Variants in TTC17 observed in about 807,000 individuals in gnomAD.
TTC17 encodes tetratricopeptide repeat domain 17.
A neutral mutation model predicts 143.8 loss-of-function variants in TTC17; 58 were observed. The ratio of observed to expected loss-of-function variants is 0.40; its 90% CI spans 0.33 to 0.50. The LOEUF is 0.50. TTC17 is among the 20% of genes least tolerant of loss of function. TTC17 has a pLI of 0.49. For synonymous variants in TTC17, 501 were observed against 497.8 expected (o/e 1.01, Z -0.09); for missense variants, 1,273 against 1,392.5 (o/e 0.91, Z 1.37).
intron 21 of TTC17, among the ~76,000 whole-genome samples, chr11:43,462,918 A>ATTATTTTTTTT (rs1369564202): frequency 1.0e-5 from 1 of 95,320 alleles, no homozygotes; most frequent in Non-Finnish European, 2.1e-5. Context: ...CAGTGACAAA[A>ATTATTTTTTTT]TTCTTTTTTT....
rs556208649 is a variant in TTC17, at chr11:43,384,387, G to C, written c.249+5065G>C. On this transcript the variant is annotated intron_variant, in intron 2 of 23. Transcript: ENST00000039989. The stretch of plus-strand genomic sequence containing the variant: ...TTAGAAATGTTAGGCCAGGCACAGT[G>C]GCTCACGCCTGTAATCCCAGCACTC... Among the ~76,000 whole-genome samples the C allele has an allele frequency of 4.6e-3, 702 of 152,314 alleles. 1 individual carries two copies. Among genetic ancestry groups the C allele is most frequent in the African/African-American group, 0.016 (677 of 41,574 alleles).
intron 5 of TTC17, among the ~76,000 whole-genome samples, chr11:43,395,811 C>T (rs1178636323): frequency 7.9e-5 from 12 of 152,206 alleles, no homozygotes; most frequent in African/African-American, 2.9e-4. Context: ...CACTGAAAAT[C>T]TATAAAAGAA....
Position 43,438,250 on chromosome 11 carries a change from C to T in TTC17, c.2252-5075C>T, listed in dbSNP as rs559550004. On this transcript the variant is annotated intron_variant, in intron 16 of 23. Coordinates refer to ENST00000039989, the MANE Select transcript of TTC17 (RefSeq NM_018259.6). ...TCGGCTCACTGCAACCTCCACTTCC[C>T]GTGTTCAAGCAATTCTCCTGCCTCA... Among the ~76,000 whole-genome samples the T allele has an allele frequency of 1.6e-3, 248 of 152,280 alleles. 2 individuals are homozygous for T. Among genetic ancestry groups the T allele is most frequent in the African/African-American group, 5.5e-3 (228 of 41,562 alleles).
At chr11:43,481,122 G>A (rs371665215) in intron 21 of TTC17, among the ~76,000 whole-genome samples, 11 of 152,268 alleles carry the variant, frequency 7.2e-5, no homozygotes, top group African/African-American at 2.6e-4. Context: ...ATTATTAGGA[G>A]TAGAGAGAAT....
chr11:43,468,626 G>T (rs562339821), intron 21 of TTC17, among the ~76,000 whole-genome samples: 8 of 152,208 alleles, frequency 5.3e-5, no homozygotes, highest in African/African-American at 1.9e-4. Flanking sequence ...AAAAAAATTG[G>T]TAAGTTGGAC....
intron 21 of TTC17, among the ~76,000 whole-genome samples, chr11:43,480,397 A>T (rs1474318668): frequency 1.3e-5 from 2 of 152,224 alleles, no homozygotes; most frequent in Non-Finnish European, 2.9e-5. Context: ...TTGTGAAAGG[A>T]TACCAGACCC....
intron 21 of TTC17, among the ~76,000 whole-genome samples, chr11:43,459,480 C>T (rs981242307): frequency 1.3e-5 from 2 of 152,216 alleles, no homozygotes; most frequent in African/African-American, 4.8e-5. Context: ...GGCACAACTT[C>T]TTTAAAAAGC....
rs1430292999 is a variant in TTC17, at chr11:43,399,974, A to G, written c.1145A>G (p.His382Arg). 4 of 1,614,102 alleles carry G rather than the reference A, an allele frequency of 2.5e-6. No individual in the cohort carries two copies. Among genetic ancestry groups the G allele is most frequent in the East Asian group, 2.2e-5 (1 of 44,860 alleles). ...AGACAGCAGGAAATCCTAGAAAAAC[A>G]TAAACTGATTCAGGAGGAGCAAATC... The part of the protein sequence containing the change: ...YLRQQEILEK[H>R]KLIQEEQILR... The change falls in exon 9 of 24, where the codon CAT becomes CGT. Residue 382 changes from histidine to arginine, a missense_variant. This residue lies in a region of TTC17 where 325 missense variants were observed against 444.2 expected (regional missense o/e 0.73). Transcript: ENST00000039989.
intron 1 of TTC17, among the ~76,000 whole-genome samples, chr11:43,362,636 G>T (rs557880810): frequency 3.6e-4 from 55 of 152,168 alleles, no homozygotes; most frequent in African/African-American, 1.3e-3. Context: ...TAGAGATGGG[G>T]GTCTTTCTTT....
chr11:43,459,436 A>G (rs915613283), intron 21 of TTC17, among the ~76,000 whole-genome samples: 1 of 152,148 alleles, frequency 6.6e-6, no homozygotes, highest in Admixed American at 6.5e-5. Flanking sequence ...GCCTGCTTCT[A>G]GGCTCTGTCC....
chr11:43,384,020 C>G (rs1857075406), intron 2 of TTC17, among the ~76,000 whole-genome samples: 1 of 151,954 alleles, frequency 6.6e-6, no homozygotes, highest in African/African-American at 2.4e-5. Context: ...TGGCAGGCAC[C>G]TGTAGTTCTA....
chr11:43,362,682 A>G (rs1856166478), intron 1 of TTC17, among the ~76,000 whole-genome samples: 1 of 152,140 alleles, frequency 6.6e-6, no homozygotes, highest in Non-Finnish European at 1.5e-5. Context: ...ACTCCCATGC[A>G]TTGCAGCCTT....
intron 18 of TTC17, chr11:43,447,571 C>T (rs1177065887): frequency 6.1e-6 from 1 of 163,266 alleles, no homozygotes; most frequent in African/African-American, 2.4e-5. Context: ...AGGACAGGTC[C>T]CTCAAAAAAT....
intron 21 of TTC17, among the ~76,000 whole-genome samples, chr11:43,458,971 TAGTTTGTATAAGGTTC>T (rs1169152296): frequency 3.5e-5 from 5 of 141,950 alleles, no homozygotes; most frequent in African/African-American, 9.9e-5. Flanking sequence ...AAGGTTCGAA[TAGTTTGTATAAGGTTC>T]GGTACTATCC....
intron 21 of TTC17, among the ~76,000 whole-genome samples, chr11:43,474,955 G>A (rs1019945658): frequency 1.3e-5 from 2 of 152,162 alleles, no homozygotes; most frequent in South Asian, 4.1e-4. Flanking sequence ...AGGCTGAGGA[G>A]TAGGAACGGA....
At chr11:43,383,267 AAG>A (rs1269074988) in intron 2 of TTC17, among the ~76,000 whole-genome samples, 1 of 152,186 alleles carries the variant, frequency 6.6e-6, no homozygotes, top group Non-Finnish European at 1.5e-5. Context: ...AGTAGATTAA[AAG>A]AGATGTAAGA....
At chr11:43,374,698 C>A in intron 1 of TTC17, among the ~76,000 whole-genome samples, 1 of 150,290 alleles carries the variant, frequency 6.7e-6, no homozygotes, top group African/African-American at 2.5e-5. Flanking sequence ...AAATCAAAAC[C>A]ACAATAAGAT....
rs1858081702 is a variant in TTC17 at position 43,405,575 on chromosome 11, C to T, written c.1541C>T (p.Pro514Leu). 6.2e-7 allele frequency: 1 copy of T among 1,614,034 alleles called. No individual in the cohort carries two copies. The highest frequency in any genetic ancestry group is 8.5e-7 in the Non-Finnish European group (1 of 1,179,914). The change falls in exon 12 of 24, where the codon CCT (proline) becomes CTT (leucine). Residue 514 changes from proline (P) to leucine (L), a missense_variant. Transcript: ENST00000039989. ...TGTACAGAAAGCTACCCTAGAGTCC[C>T]TGTTGGTGGGGAATTGCCAACGTAT... is the stretch of plus-strand genomic sequence containing the variant. ...ADCTESYPRV[P>L]VGGELPTYFL...
Position 43,374,090 on chromosome 11 carries a change from G to A in TTC17, c.160-5143G>A, listed in dbSNP as rs1176651817. ...AGATACTGTCCTCAAACAATCAACA[G>A]TATATTAAATGCCTAGCATATACCT... is the stretch of plus-strand genomic sequence containing the variant. On this transcript the variant is annotated intron_variant, in intron 1 of 23. Transcript: ENST00000039989. 2.6e-5 allele frequency among the ~76,000 whole-genome samples: 4 copies of A among 152,128 alleles called. No homozygotes were observed. The East Asian group carries it at 7.7e-4, about 29-fold the overall frequency.
Sources: gnomAD v4.1 joint callset for allele counts (sites outside exome capture counted in the v4.1 genomes callset) on GRCh38, gnomAD v4.1.1 for gene constraint, gnomAD v4.1.1 regional missense constraint, MANE v1.5 for transcripts, NCBI Gene and HGNC (gene_info 2026-07-23, HGNC 2026-07-21) for gene names.